Variants in CPEB3 observed in about 807,000 individuals in gnomAD.
CPEB3 encodes the protein cytoplasmic polyadenylation element binding protein 3.
Under a neutral mutation model 67.2 loss-of-function variants are expected in CPEB3, and 20 were observed. That is an observed-to-expected ratio of 0.30 (90% confidence interval 0.21 to 0.43). The LOEUF is 0.43. CPEB3 is among the 20% of genes least tolerant of loss of function. The pLI, the probability that CPEB3 is intolerant of heterozygous loss-of-function variation, is 1.00. For missense variants in CPEB3, 746 were observed against 968.6 expected (o/e 0.77, Z 3.05); for synonymous variants, 376 against 393.1 (o/e 0.96, Z 0.51).
At chr10:92,288,593 G>A (rs1590629428) in intron 1 of CPEB3, among the ~76,000 whole-genome samples, 1 of 152,120 alleles carries the variant, frequency 6.6e-6, no homozygotes, top group Non-Finnish European at 1.5e-5. Flanking sequence ...CTTTAGACCA[G>A]TAACAGGATT....
At chr10:92,222,257 G>A (rs911056583) in intron 2 of CPEB3, among the ~76,000 whole-genome samples, 1 of 149,016 alleles carries the variant, frequency 6.7e-6, no homozygotes, top group African/African-American at 2.5e-5. Flanking sequence ...GGCTGGTCTC[G>A]AACTACCGAG....
At chr10:92,079,508 C>T (rs552096884) in intron 9 of CPEB3, among the ~76,000 whole-genome samples, 2 of 152,302 alleles carry the variant, frequency 1.3e-5, no homozygotes, top group South Asian at 2.1e-4. Flanking sequence ...ATCTTTATTA[C>T]ACTTTTGAAT....
chr10:92,154,914 C>G (rs1052206307), intron 4 of CPEB3, among the ~76,000 whole-genome samples: 4 of 152,140 alleles, frequency 2.6e-5, no homozygotes, highest in African/African-American at 7.2e-5. Flanking sequence ...ATTTCTGTTC[C>G]TAGAAAATTT....
chr10:92,267,540 G>A (rs1853115432), intron 1 of CPEB3, among the ~76,000 whole-genome samples: 1 of 152,206 alleles, frequency 6.6e-6, no homozygotes, highest in South Asian at 2.1e-4. Context: ...AGAGTTGTAA[G>A]CAGAGCTGTG....
At chr10:92,088,279 G>A (rs947047932) in intron 8 of CPEB3, among the ~76,000 whole-genome samples, 58 of 140,728 alleles carry the variant, frequency 4.1e-4, no homozygotes, top group Non-Finnish European at 7.7e-4. Flanking sequence ...AGGCTGGAGT[G>A]CACTGATGCA....
rs547366118 is a variant in CPEB3 at position 92,094,329 on chromosome 10, G to A, written c.1573-2385C>T. Among the ~76,000 whole-genome samples the A allele has an allele frequency of 2.6e-5, 4 of 151,940 alleles. No individual in the cohort carries two copies. In the South Asian group the frequency reaches 8.4e-4, roughly 32 times the overall value. ...AAAAAAAATGCAGTTCTGGCTGGGC[G>A]CTGTGGCTCAAGCCTATAATCCCAG... On this transcript the variant is annotated intron_variant, in intron 7 of 9. Transcript: ENST00000265997.
At chr10:92,174,069 T>C (rs75131023) in intron 4 of CPEB3, among the ~76,000 whole-genome samples, 2,457 of 152,354 alleles carry the variant, frequency 0.016, 64 homozygotes, top group African/African-American at 0.057. Context: ...TATTTACTTA[T>C]ATCCACTCAC....
At chr10:92,108,720 T>A (rs1244878653) in intron 7 of CPEB3, among the ~76,000 whole-genome samples, 1 of 152,218 alleles carries the variant, frequency 6.6e-6, no homozygotes, top group African/African-American at 2.4e-5. Context: ...ATGAAAACTG[T>A]AATAAGGCAG....
At chr10:92,087,650 G>A (rs899612411) in intron 8 of CPEB3, among the ~76,000 whole-genome samples, 3 of 152,202 alleles carry the variant, frequency 2.0e-5, no homozygotes, top group Non-Finnish European at 2.9e-5. Context: ...AACTGGGGAA[G>A]AGTACAGAGA....
At chr10:92,159,440 G>T (rs1847360415) in intron 4 of CPEB3, among the ~76,000 whole-genome samples, 1 of 151,888 alleles carries the variant, frequency 6.6e-6, no homozygotes, top group African/African-American at 2.4e-5. Context: ...GGGAGGCCAA[G>T]GTGGGCAGAT....
chr10:92,150,982 C>A (rs1846941130), intron 4 of CPEB3, among the ~76,000 whole-genome samples: 1 of 152,138 alleles, frequency 6.6e-6, no homozygotes, highest in South Asian at 2.1e-4. Flanking sequence ...TCTCTGATAT[C>A]TATTTCAATT....
intron 6 of CPEB3, among the ~76,000 whole-genome samples, chr10:92,130,730 G>T (rs1845808763): frequency 6.6e-6 from 1 of 151,108 alleles, no homozygotes; most frequent in African/African-American, 2.4e-5. Context: ...ACTGAAAATG[G>T]TCATGCTTTT....
Position 92,047,281 on chromosome 10 carries a change from G to A in CPEB3, c.*4931C>T, listed in dbSNP as rs1260838653. 1 of 150,960 alleles carries A rather than the reference G, an allele frequency of 6.6e-6. No individual in the cohort carries two copies. Among genetic ancestry groups the A allele is most frequent in the East Asian group, 2.0e-4 (1 of 5,108 alleles). 9.4% of individuals were successfully genotyped at this position (150,960 alleles called of 1,614,324 possible). A position where few individuals can be genotyped will look rare whatever the true frequency, so the allele number is the denominator to read the frequency against. On this transcript the variant is annotated 3_prime_UTR_variant, in exon 10 of 10. Coordinates refer to ENST00000265997, the MANE Select transcript of CPEB3 (RefSeq NM_014912.5). ...TTATAAAAGAAAAAAAAAAACAAAT[G>A]TTAGCTGACATACCATACAAGCTAG...
Position 92,190,695 on chromosome 10 carries a change from A to C in CPEB3, c.1165+1782T>G, listed in dbSNP as rs1235370728. Among the ~76,000 whole-genome samples, 12 of 134,388 alleles carry C rather than the reference A, an allele frequency of 8.9e-5. No individual in the cohort carries two copies. The East Asian group carries it at 2.2e-3, about 25-fold the overall frequency. 88.2% of individuals were successfully genotyped at this position (134,388 alleles called of 152,430 possible). ...AAAAAAAAAAAAAAAAAAAAAAAAA[A>C]AAAAAAAGGAGGAGGAAAAACCAGA... On this transcript the variant is annotated intron_variant, in intron 3 of 9. Transcript: ENST00000265997.
At chr10:92,216,246 G>T in intron 2 of CPEB3, 1 of 1,203,206 alleles carries the variant, frequency 8.3e-7, no homozygotes, top group Non-Finnish European at 1.2e-6. Context: ...GATCATACTG[G>T]CCAACATGGT....
chr10:92,266,540 C>T (rs1853065284), intron 1 of CPEB3, among the ~76,000 whole-genome samples: 1 of 152,132 alleles, frequency 6.6e-6, no homozygotes, highest in Non-Finnish European at 1.5e-5. Context: ...CTCACTATTC[C>T]TCTTTCCGTC....
chr10:92,145,600 A>C (rs1846641508), intron 4 of CPEB3, among the ~76,000 whole-genome samples: 2 of 150,312 alleles, frequency 1.3e-5, no homozygotes, highest in South Asian at 2.1e-4. Flanking sequence ...GTGCCATTGC[A>C]CTCCAGCCTG....
chr10:92,111,235 T>A, intron 6 of CPEB3, 41 bp from the exon 7 acceptor site: 1 of 1,238,324 alleles, frequency 8.1e-7, no homozygotes, highest in Non-Finnish European at 1.2e-6. Context: ...GAAGAATCAG[T>A]ACATTAAACT....
chr10:92,206,233 G>A (rs958667384), intron 2 of CPEB3, among the ~76,000 whole-genome samples: 8 of 151,902 alleles, frequency 5.3e-5, no homozygotes, highest in South Asian at 4.2e-4. Flanking sequence ...CACCACGCCC[G>A]GCTAATTTTT....
Sources: allele counts gnomAD v4.1 joint callset (sites outside exome capture counted in the v4.1 genomes callset), GRCh38; gene constraint gnomAD v4.1.1; transcripts MANE v1.5; gene names NCBI Gene and HGNC (gene_info 2026-07-23, HGNC 2026-07-21).